Variants in ARGLU1 observed in about 807,000 individuals in gnomAD.
ARGLU1 encodes arginine and glutamate-rich protein 1.
In ARGLU1, 9 loss-of-function variants were observed where a neutral mutation model predicts 37.6. The observed-to-expected ratio is 0.24, with a 90% CI of 0.14 to 0.42. The LOEUF is 0.42. ARGLU1 is among the 10% of genes least tolerant of loss of function. ARGLU1 has a pLI of 1.00. For missense variants in ARGLU1, 211 were observed against 359.2 expected, an observed-to-expected ratio of 0.59 and a Z score of 3.34; for synonymous variants, 166 against 138.5, an observed-to-expected ratio of 1.20 and a Z score of -1.39.
chr13:106,547,560 G>A (rs1056164065), intron 3 of ARGLU1, among the ~76,000 whole-genome samples: 1 of 152,040 alleles, frequency 6.6e-6, no homozygotes, highest in African/African-American at 2.4e-5. Flanking sequence ...AAAAAAGGAG[G>A]CCCCTATGTT....
intron 1 of ARGLU1, among the ~76,000 whole-genome samples, chr13:106,561,068 A>G (rs1880786928): frequency 6.6e-6 from 1 of 152,196 alleles, no homozygotes; most frequent in Admixed American, 6.5e-5. Flanking sequence ...TCAAGGAGAC[A>G]GTAGGTACTA....
rs1319755478 is a variant in ARGLU1, at chr13:106,557,952, T to C, written c.574-821A>G. 1 of 985,402 alleles carries C rather than the reference T, an allele frequency of 1.0e-6. No homozygotes were observed. The highest frequency in any genetic ancestry group is 1.2e-6 in the Non-Finnish European group (1 of 829,932). 61.0% of individuals were successfully genotyped at this position (985,402 alleles called of 1,614,324 possible). ...GAAACTCAGAAATCCAGGGGATGCA[T>C]GGTCAGGAAATAAAATTCTTCAACT... is the stretch of plus-strand genomic sequence containing the variant. On this transcript the variant is annotated intron_variant, in intron 2 of 3. Coordinates refer to ENST00000400198, the MANE Select transcript of ARGLU1 (RefSeq NM_018011.4). This position sits in a 1 kb window ranked among gnomAD's most constrained non-coding sequence, Gnocchi z 5.0.
intron 3 of ARGLU1, among the ~76,000 whole-genome samples, chr13:106,547,029 GGGTT>G (rs1338890931): frequency 6.6e-6 from 1 of 152,120 alleles, no homozygotes; most frequent in Non-Finnish European, 1.5e-5. Flanking sequence ...AGTGGGATGT[GGGTT>G]GGTTACCATG....
chr13:106,554,282 A>G (rs1880606822), intron 3 of ARGLU1, among the ~76,000 whole-genome samples: 1 of 152,178 alleles, frequency 6.6e-6, no homozygotes. Flanking sequence ...ATTTTAGCAA[A>G]CAGTTACCTT....
intron 2 of ARGLU1, chr13:106,559,211 AG>A: frequency 6.6e-7 from 1 of 1,504,456 alleles, no homozygotes; most frequent in Non-Finnish European, 8.9e-7. Context: ...TAAATCAAAA[AG>A]TATCCTTGAA....
intron 1 of ARGLU1, among the ~76,000 whole-genome samples, chr13:106,566,862 G>C (rs1045921638): frequency 6.6e-6 from 1 of 152,036 alleles, no homozygotes. Context: ...AAAAGCGGTA[G>C]GCTTTGGGAT....
intron 3 of ARGLU1, among the ~76,000 whole-genome samples, chr13:106,555,847 T>C (rs1423839330): frequency 6.6e-6 from 1 of 152,154 alleles, no homozygotes; most frequent in African/African-American, 2.4e-5. Flanking sequence ...ACCACAGCTA[T>C]CCAATCTCTT....
intron 1 of ARGLU1, among the ~76,000 whole-genome samples, chr13:106,563,392 G>C (rs547662577): frequency 3.9e-5 from 6 of 152,158 alleles, no homozygotes; most frequent in Non-Finnish European, 8.8e-5. Context: ...CTGAACCTAA[G>C]TAGATGCCAA....
intron 1 of ARGLU1, among the ~76,000 whole-genome samples, chr13:106,563,399 C>G (rs906044934): frequency 2.0e-5 from 3 of 152,110 alleles, no homozygotes. Flanking sequence ...TAAGTAGATG[C>G]CAAAGCTAAC....
intron 1 of ARGLU1, among the ~76,000 whole-genome samples, chr13:106,563,022 C>T (rs149271883): frequency 7.3e-6 from 1 of 136,826 alleles, no homozygotes; most frequent in East Asian, 2.3e-4. Flanking sequence ...AAAAAAAAAC[C>T]ACTAGTCACA....
intron 1 of ARGLU1, among the ~76,000 whole-genome samples, chr13:106,563,014 A>AAAAAAAC (rs1880857952): frequency 6.7e-6 from 1 of 149,504 alleles, no homozygotes; most frequent in African/African-American, 2.4e-5. Flanking sequence ...AAAAACAAAA[A>AAAAAAAC]AAAAAACCAC....
At chr13:106,559,922 G>C (rs1324728152) in intron 1 of ARGLU1, among the ~76,000 whole-genome samples, 1 of 152,114 alleles carries the variant, frequency 6.6e-6, no homozygotes, top group Non-Finnish European at 1.5e-5. Flanking sequence ...TAATTCATTA[G>C]TTCTAATTTA....
At chr13:106,561,592 A>AT (rs1317622411) in intron 1 of ARGLU1, among the ~76,000 whole-genome samples, 3 of 152,324 alleles carry the variant, frequency 2.0e-5, no homozygotes, top group African/African-American at 7.2e-5. Context: ...AGTACCGACT[A>AT]TTAAAAAAAA....
At chr13:106,552,324 A>G (rs1172642499) in intron 3 of ARGLU1, among the ~76,000 whole-genome samples, 1 of 152,032 alleles carries the variant, frequency 6.6e-6, no homozygotes, top group Non-Finnish European at 1.5e-5. Context: ...ATACTTTAAA[A>G]CCCCAAACAC....
chr13:106,558,980 A>G (rs1466998846), intron 2 of ARGLU1: 1 of 985,342 alleles, frequency 1.0e-6, no homozygotes, highest in Non-Finnish European at 1.2e-6. Context: ...AGCAGGTGCT[A>G]TCACTCAATG....
At chr13:106,555,686 A>C (rs78197321) in intron 3 of ARGLU1, among the ~76,000 whole-genome samples, 30 of 152,228 alleles carry the variant, frequency 2.0e-4, no homozygotes, top group Non-Finnish European at 4.0e-4. Context: ...TCACACACCG[A>C]AAGTCATATT....
Position 106,557,193 on chromosome 13 carries a change from T to C in ARGLU1, c.574-62A>G, listed in dbSNP as rs1052726897. The C allele has an allele frequency of 7.2e-7, 1 of 1,386,924 alleles. No homozygotes were observed. Among genetic ancestry groups the C allele is most frequent in the Non-Finnish European group, 1.0e-6 (1 of 987,666 alleles). 85.9% of individuals were successfully genotyped at this position (1,386,924 alleles called of 1,614,324 possible). A position where few individuals can be genotyped will look rare whatever the true frequency, so the allele number is the denominator to read the frequency against. On this transcript the variant is annotated intron_variant, in intron 2 of 3. Coordinates refer to ENST00000400198, the MANE Select transcript of ARGLU1 (RefSeq NM_018011.4). The surrounding 1 kb of genome is among the most constrained non-coding windows in gnomAD (Gnocchi z 5.0). ...AAATGTTTATTTTTATTGATAAATA[T>C]TTACTAATCTTCCTCTGAACTTTTT... is the stretch of plus-strand genomic sequence containing the variant.
At chr13:106,562,866 A>G (rs1880849955) in intron 1 of ARGLU1, among the ~76,000 whole-genome samples, 2 of 151,404 alleles carry the variant, frequency 1.3e-5, no homozygotes, top group Non-Finnish European at 2.9e-5. Flanking sequence ...AATAAAAATT[A>G]GCTGGGTGTG....
chr13:106,564,018 G>T (rs1281937116), intron 1 of ARGLU1, among the ~76,000 whole-genome samples: 1 of 152,182 alleles, frequency 6.6e-6, no homozygotes, highest in Non-Finnish European at 1.5e-5. Flanking sequence ...TCTCAAAAGA[G>T]CATTTAAGAA....
Sources: allele counts gnomAD v4.1 joint callset (sites outside exome capture counted in the v4.1 genomes callset), GRCh38; gene constraint gnomAD v4.1.1; non-coding constraint Gnocchi (gnomAD v3.1); transcripts MANE v1.5; gene names NCBI Gene and HGNC (gene_info 2026-07-23, HGNC 2026-07-21).